Variants in ESRRG observed in about 807,000 individuals in gnomAD.
The protein encoded by ESRRG is estrogen related receptor gamma, also known as estrogen-related receptor gamma.
A neutral mutation model predicts 44.0 loss-of-function variants in ESRRG; 13 were observed. The observed-to-expected ratio is 0.30, with a 90% CI of 0.19 to 0.47. The LOEUF is 0.47. Ranked by LOEUF, ESRRG falls within the 20% of genes least tolerant of loss-of-function variation. The pLI is 1.00. For missense variants in ESRRG, 395 were observed against 580.6 expected (o/e 0.68, Z 3.29); for synonymous variants, 215 against 214.6 (o/e 1.00, Z -0.02).
chr1:216,558,856 GT>G (rs938519477), intron 5 of ESRRG, among the ~76,000 whole-genome samples: 1 of 151,374 alleles, frequency 6.6e-6, no homozygotes, highest in Non-Finnish European at 1.5e-5. Context: ...TCTGTTTTTT[GT>G]TTTTTGTTTT....
intron 1 of ESRRG, among the ~76,000 whole-genome samples, chr1:217,018,171 C>CTA (rs956040970): frequency 6.6e-6 from 1 of 152,120 alleles, no homozygotes; most frequent in Admixed American, 6.5e-5. Context: ...TGCATCTCAA[C>CTA]TATTCTCATT....
At chr1:216,672,827 A>C (rs1405081078) in intron 2 of ESRRG, among the ~76,000 whole-genome samples, 1 of 152,146 alleles carries the variant, frequency 6.6e-6, no homozygotes, top group Non-Finnish European at 1.5e-5. Flanking sequence ...AGATCACATC[A>C]CTGTACAACA....
intron 2 of ESRRG, among the ~76,000 whole-genome samples, chr1:216,872,546 G>A (rs922805158): frequency 5.3e-5 from 8 of 151,748 alleles, no homozygotes; most frequent in Non-Finnish European, 1.2e-4. Context: ...ATTTATTTTC[G>A]AGTTTACTGA....
intron 5 of ESRRG, among the ~76,000 whole-genome samples, chr1:216,545,802 T>C (rs553384092): frequency 1.3e-5 from 2 of 152,132 alleles, no homozygotes; most frequent in East Asian, 1.9e-4. Flanking sequence ...CTGGCCACTT[T>C]TTAGAGTTCA....
At chr1:216,656,416 C>T (rs560230204) in intron 2 of ESRRG, among the ~76,000 whole-genome samples, 170 of 152,216 alleles carry the variant, frequency 1.1e-3, no homozygotes, top group Non-Finnish European at 1.5e-3. Flanking sequence ...TATCTCCTGG[C>T]GGCTTTTCAA....
intron 2 of ESRRG, among the ~76,000 whole-genome samples, chr1:216,661,047 A>G (rs1402050746): frequency 6.6e-6 from 1 of 152,212 alleles, no homozygotes; most frequent in Non-Finnish European, 1.5e-5. Context: ...ATAAAAATAC[A>G]TTGGTGAAAA....
At chr1:216,832,387 A>G (rs1007010956) in intron 2 of ESRRG, among the ~76,000 whole-genome samples, 7 of 152,214 alleles carry the variant, frequency 4.6e-5, no homozygotes, top group Non-Finnish European at 1.5e-5. Context: ...TTTCTCCGGT[A>G]GGTGGAGAAC....
At chr1:217,028,637 T>C (rs773351745) in intron 1 of ESRRG, among the ~76,000 whole-genome samples, 3 of 152,204 alleles carry the variant, frequency 2.0e-5, no homozygotes, top group Non-Finnish European at 2.9e-5. Context: ...ATTACACAAG[T>C]AGTTTTTCTG....
intron 2 of ESRRG, among the ~76,000 whole-genome samples, chr1:216,879,832 C>T (rs971784352): frequency 3.3e-5 from 5 of 152,078 alleles, no homozygotes; most frequent in African/African-American, 1.2e-4. Context: ...ATATGTGTAG[C>T]TACACCATAT....
chr1:216,517,751 C>T (rs944093787), intron 6 of ESRRG, among the ~76,000 whole-genome samples: 9 of 152,010 alleles, frequency 5.9e-5, no homozygotes, highest in African/African-American at 2.2e-4. Context: ...AGAGGGAGGG[C>T]AGGGGATTCT....
chr1:217,063,366 G>A (rs1178077545), intron 1 of ESRRG, among the ~76,000 whole-genome samples: 2 of 152,170 alleles, frequency 1.3e-5, no homozygotes, highest in Non-Finnish European at 1.5e-5. Flanking sequence ...TTAAGTTAGT[G>A]CAGCAAACTA....
chr1:216,513,376 A>G (rs2043282522), intron 6 of ESRRG, among the ~76,000 whole-genome samples: 1 of 152,196 alleles, frequency 6.6e-6, no homozygotes, highest in African/African-American at 2.4e-5. Context: ...GGTTTCTTCC[A>G]ACCCAGAAAT....
intron 2 of ESRRG, among the ~76,000 whole-genome samples, chr1:216,761,516 A>T (rs1183469653): frequency 6.6e-6 from 1 of 152,132 alleles, no homozygotes; most frequent in Non-Finnish European, 1.5e-5. Context: ...ACAAATCTCA[A>T]ATCAGAGTGG....
intron 1 of ESRRG, among the ~76,000 whole-genome samples, chr1:216,716,902 C>T (rs896708681): frequency 6.6e-6 from 1 of 151,750 alleles, no homozygotes; most frequent in Non-Finnish European, 1.5e-5. Flanking sequence ...TAGATCTTTG[C>T]CAGTATACTG....
upstream of ESRRG, chr1:217,090,683 A>G (rs1225276113): frequency 6.6e-6 from 1 of 152,226 alleles, no homozygotes; most frequent in Non-Finnish European, 1.5e-5. Flanking sequence ...CCAAACCCCT[A>G]GTTGAGAAAC....
At chr1:216,722,356 T>A (rs1039816451) in intron 1 of ESRRG, among the ~76,000 whole-genome samples, 2 of 152,168 alleles carry the variant, frequency 1.3e-5, no homozygotes. Flanking sequence ...ATTAAGTTTA[T>A]CACCTACTCA....
At position 216,768,450 on chromosome 1, in the gene ESRRG, T is replaced by TTATCTATCTATC. The variant is rs79038947; in HGVS notation, c.-13-90971_-13-90960dup. ...TAGATATAGATAGATCTATCTATCATTATCTATCTATCTATCTATCTATCT... is the reference window on the plus strand; with the variant it reads ...TAGATATAGATAGATCTATCTATCATTATCTATCTATCTATCTATCTATCTATCTATCTATCT... On this transcript the variant is annotated intron_variant, in intron 2 of 7. Transcript: ENST00000359162. Among the ~76,000 whole-genome samples the TTATCTATCTATC allele has an allele frequency of 4.5e-3, 521 of 114,760 alleles. 7 individuals are homozygous for TTATCTATCTATC. The highest frequency in any genetic ancestry group is 8.9e-3 in the Admixed American group (110 of 12,374). The allele number at this position is 114,760 out of a possible 152,430, so 75.3% of individuals were successfully genotyped here.
At chr1:216,713,634 C>T (rs1420502595) in intron 1 of ESRRG, among the ~76,000 whole-genome samples, 1 of 152,184 alleles carries the variant, frequency 6.6e-6, no homozygotes, top group South Asian at 2.1e-4. Context: ...AGAGACGCAC[C>T]TGCTTATCAA....
At chr1:217,055,338 G>C (rs1398886243) in intron 1 of ESRRG, among the ~76,000 whole-genome samples, 2 of 152,100 alleles carry the variant, frequency 1.3e-5, no homozygotes, top group Non-Finnish European at 2.9e-5. Context: ...GAATTATAGA[G>C]GGGAGAGAGT....
Sources: allele counts gnomAD v4.1 joint callset (sites outside exome capture counted in the v4.1 genomes callset), GRCh38; gene constraint gnomAD v4.1.1; transcripts MANE v1.5; gene names NCBI Gene and HGNC (gene_info 2026-07-23, HGNC 2026-07-21).